DNAH6: variants seen among roughly 807,000 people sequenced by gnomAD.
The protein encoded by DNAH6 is axonemal beta dynein heavy chain 6.
Under a neutral mutation model 491.4 loss-of-function variants are expected in DNAH6, and 340 were observed. The observed-to-expected ratio is 0.69, with a 90% CI of 0.63 to 0.76. The LOEUF is 0.76. DNAH6 is among the 30% of genes least tolerant of loss of function. The probability of loss-of-function intolerance (pLI) is 0.00; values close to 1 mark genes in which losing one functional copy is unlikely to be tolerated. For missense variants in DNAH6, 4,443 were observed against 4,972.2 expected, an observed-to-expected ratio of 0.89 and a Z score of 3.20; for synonymous variants, 1,603 against 1,686.1, an observed-to-expected ratio of 0.95 and a Z score of 1.21.
chr2:84,658,550 C>G, intron 36 of DNAH6, 76 bp downstream of exon 36: 1 of 1,048,592 alleles, frequency 9.5e-7, no homozygotes, highest in Non-Finnish European at 1.3e-6. Flanking sequence ...AGAAATGACT[C>G]CATTCTAAAA....
intron 45 of DNAH6, among the ~76,000 whole-genome samples, chr2:84,690,938 C>CG (rs1188755547): frequency 6.6e-6 from 1 of 152,104 alleles, no homozygotes; most frequent in East Asian, 1.9e-4. Context: ...TCTTTTAACT[C>CG]GGGGGGAAAA....
chr2:84,494,746 ACT>A, the DNAH6 span, among the ~76,000 whole-genome samples: 1 of 152,170 alleles, frequency 6.6e-6, no homozygotes, highest in Non-Finnish European at 1.5e-5. Context: ...AAGATGAGAA[ACT>A]CACCTTCCAG....
intron 64 of DNAH6, chr2:84,777,461 T>C (rs901460830): frequency 1.1e-5 from 7 of 640,274 alleles, no homozygotes; most frequent in African/African-American, 1.1e-4. Flanking sequence ...CCGCCTAAGA[T>C]TCTTCATTAT....
chr2:84,722,849 C>A, intron 60 of DNAH6, 45 bp downstream of exon 60: 1 of 1,160,616 alleles, frequency 8.6e-7, no homozygotes, highest in Non-Finnish European at 1.2e-6. Context: ...CTTTGGCCTC[C>A]ATTACACCTG....
chr2:84,595,802 G>A lies in DNAH6; in HGVS notation c.2868+13G>A, dbSNP rs1018318020. ...AATGAAAGAAAAGGTAAGGTTGGTA[G>A]AAGTTATTTCAAAAACTGTAGGCCA... On this transcript the variant is annotated intron_variant, in intron 18 of 76. Coordinates refer to ENST00000389394, the MANE Select transcript of DNAH6 (RefSeq NM_001370.2). 1.5e-5 allele frequency: 23 copies of A among 1,535,748 alleles called. No individual in the cohort carries two copies. Among genetic ancestry groups the A allele is most frequent in the Non-Finnish European group, 2.0e-5 (23 of 1,142,022 alleles).
At chr2:84,662,001 A>C (rs534967806) in intron 37 of DNAH6, among the ~76,000 whole-genome samples, 2 of 152,290 alleles carry the variant, frequency 1.3e-5, no homozygotes, top group Non-Finnish European at 2.9e-5. Context: ...GGTGCTGTAC[A>C]TGTTCTATAT....
intron 37 of DNAH6, among the ~76,000 whole-genome samples, chr2:84,659,529 A>C (rs1266500007): frequency 6.6e-6 from 1 of 152,224 alleles, no homozygotes; most frequent in African/African-American, 2.4e-5. Flanking sequence ...TGACTAAATA[A>C]GTAAATATGT....
At position 84,517,926 on chromosome 2, in the gene DNAH6, C is replaced by T; in HGVS notation, c.100C>T (p.Gln34Ter). 1 of 1,551,450 alleles carries T rather than the reference C, an allele frequency of 6.4e-7. No homozygotes were observed. Among genetic ancestry groups the T allele is most frequent in the Non-Finnish European group, 8.7e-7 (1 of 1,146,842 alleles). The change falls in exon 2 of 77, where the codon CAA becomes TAA. Residue 34 changes from glutamine to a stop codon, truncating the protein, a stop_gained. Coordinates refer to ENST00000389394, the MANE Select transcript of DNAH6 (RefSeq NM_001370.2). LOFTEE classifies it high-confidence loss of function. ...AAGACTGAATAATATAAAAGCCAAA[C>T]AAAGAGTGAGTTATGTGACATCCAC... ...LSRLNNIKAKQRVSYVTSTEN... is the reference protein window; with the variant it reads ...LSRLNNIKAK
At chr2:84,798,287 C>G (rs1264516914) in intron 70 of DNAH6, among the ~76,000 whole-genome samples, 1 of 152,122 alleles carries the variant, frequency 6.6e-6, no homozygotes, top group Non-Finnish European at 1.5e-5. Context: ...AGAAGCAACC[C>G]CTGGACTTGG....
At chr2:84,764,174 G>T (rs1674853873) in intron 64 of DNAH6, among the ~76,000 whole-genome samples, 1 of 152,090 alleles carries the variant, frequency 6.6e-6, no homozygotes, top group African/African-American at 2.4e-5. Flanking sequence ...TCATGCCTCA[G>T]ACAAGTTGAC....
At chr2:84,642,973 T>A (rs1407081267) in intron 33 of DNAH6, among the ~76,000 whole-genome samples, 2 of 152,204 alleles carry the variant, frequency 1.3e-5, no homozygotes, top group Non-Finnish European at 2.9e-5. Context: ...TCTTCCATGC[T>A]CTTCCTTTAG....
At chr2:84,552,048 C>CAAA (rs34353031) in intron 9 of DNAH6, among the ~76,000 whole-genome samples, 4 of 70,774 alleles carry the variant, frequency 5.7e-5, no homozygotes, top group Admixed American at 1.5e-4. Context: ...AACTCCGTCT[C>CAAA]AAAAAAAAAA....
At chr2:84,560,454 C>CT (rs201362465) in intron 11 of DNAH6, among the ~76,000 whole-genome samples, 26 of 131,064 alleles carry the variant, frequency 2.0e-4, no homozygotes, top group African/African-American at 7.0e-4. Context: ...TTTTTTTTTT[C>CT]TTTTTTTTTT....
chr2:84,650,039 A>AT (rs942744733), intron 33 of DNAH6, among the ~76,000 whole-genome samples: 18 of 148,782 alleles, frequency 1.2e-4, no homozygotes, highest in South Asian at 4.3e-4. Context: ...ATAAGGTGTC[A>AT]TTTTTTTTTT....
At chr2:84,462,344 C>T in the DNAH6 span, among the ~76,000 whole-genome samples, 1 of 152,152 alleles carries the variant, frequency 6.6e-6, no homozygotes, top group Non-Finnish European at 1.5e-5. Flanking sequence ...GAAGTCCCTG[C>T]CTTACTGGAT....
chr2:84,662,713 G>A (rs1037105019), intron 37 of DNAH6, among the ~76,000 whole-genome samples: 1 of 152,204 alleles, frequency 6.6e-6, no homozygotes, highest in Non-Finnish European at 1.5e-5. Flanking sequence ...AGAAACTTCT[G>A]CAGACTTAAA....
chr2:84,608,151 G>A (rs184882414), intron 21 of DNAH6, among the ~76,000 whole-genome samples: 4 of 152,074 alleles, frequency 2.6e-5, no homozygotes, highest in Admixed American at 1.3e-4. Flanking sequence ...CAATTCAGTC[G>A]CCTCTTCAGG....
chr2:84,544,217 TTTTA>T lies in DNAH6; in HGVS notation c.663-12_663-9del. 2 of 1,315,304 alleles carry T rather than the reference TTTTA, an allele frequency of 1.5e-6. No individual in the cohort carries two copies. Among genetic ancestry groups the T allele is most frequent in the African/African-American group, 1.5e-5 (1 of 67,702 alleles). 81.5% of individuals were successfully genotyped at this position (1,315,304 alleles called of 1,614,324 possible). On this transcript the variant is annotated splice_polypyrimidine_tract_variant and intron_variant, in intron 4 of 76. Coordinates refer to ENST00000389394, the MANE Select transcript of DNAH6 (RefSeq NM_001370.2). ...GAATACTTTATTTATTAGTCCCAAT[TTTTA>T]TTTGTTTATAGAGTTGTAAGTTATG...
intron 33 of DNAH6, among the ~76,000 whole-genome samples, chr2:84,645,280 A>G (rs1689785632): frequency 6.6e-6 from 1 of 152,092 alleles, no homozygotes. Context: ...TTAGCTGGGC[A>G]TGGTGGCACA....
Sources: allele counts gnomAD v4.1 joint callset (sites outside exome capture counted in the v4.1 genomes callset), GRCh38; gene constraint gnomAD v4.1.1; transcripts MANE v1.5; gene names NCBI Gene and HGNC (gene_info 2026-07-23, HGNC 2026-07-21).